ATP9B: variants seen among roughly 807,000 people sequenced by gnomAD.
ATP9B encodes the protein probable phospholipid-transporting ATPase IIB.
A neutral mutation model predicts 146.1 loss-of-function variants in ATP9B; 110 were observed. The ratio of observed to expected loss-of-function variants is 0.75; its 90% CI spans 0.65 to 0.88. The LOEUF is 0.88. Ranked by LOEUF, ATP9B falls within the 40% of genes least tolerant of loss-of-function variation. The pLI is 0.00. For missense variants in ATP9B, 1,499 were observed against 1,496.4 expected (o/e 1.00, Z -0.03); for synonymous variants, 604 against 569.7 (o/e 1.06, Z -0.86).
At position 79,176,866 on chromosome 18, in the gene ATP9B, A is replaced by G. The variant is rs1374351051; in HGVS notation, c.832A>G (p.Lys278Glu). The stretch of plus-strand genomic sequence containing the variant: ...AGATGGTGAAACTGACTGGAAGCTG[A>G]AGGTGGCAGTGAGCTGCACGCAACA... ...QLDGETDWKL[K>E]VAVSCTQQLP... The change falls in exon 8 of 30, where the codon AAG (lysine) becomes GAG (glutamate). Residue 278 changes from lysine to glutamate, a missense_variant. By Grantham distance (56) the Lys-to-Glu change is moderately conservative. Coordinates refer to ENST00000426216, the MANE Select transcript of ATP9B (RefSeq NM_198531.5). 6.2e-7 allele frequency: 1 copy of G among 1,614,166 alleles called. No individual in the cohort carries two copies.
In ATP9B at chr18:79,253,374, C is replaced by G; in HGVS notation, c.1108-7C>G. 6.2e-7 allele frequency: 1 copy of G among 1,602,140 alleles called. No individual in the cohort carries two copies. Among genetic ancestry groups the G allele is most frequent in the Non-Finnish European group, 8.5e-7 (1 of 1,176,706 alleles). On this transcript the variant is annotated splice_polypyrimidine_tract_variant and splice_region_variant and intron_variant, in intron 11 of 29. Coordinates refer to ENST00000426216, the MANE Select transcript of ATP9B (RefSeq NM_198531.5). Reference sequence around the variant, plus strand: ...GCTTGTTCATGTATTATGTGTTTTTCTTTCAGGTTGGTTTGTTGGACCTTG... The same window carrying G: ...GCTTGTTCATGTATTATGTGTTTTTGTTTCAGGTTGGTTTGTTGGACCTTG...
intron 17 of ATP9B, 72 bp downstream of exon 17, chr18:79,330,176 G>A (rs565752112): frequency 2.9e-6 from 4 of 1,377,046 alleles, no homozygotes; most frequent in Admixed American, 3.4e-5. Context: ...CTCTCAGCCT[G>A]GTTCACAGTG....
chr18:79,201,761 G>T (rs934537697), intron 9 of ATP9B, among the ~76,000 whole-genome samples: 5 of 151,980 alleles, frequency 3.3e-5, no homozygotes, highest in African/African-American at 1.2e-4. Flanking sequence ...GTAGAGACGG[G>T]GTTTCACCAT....
intron 11 of ATP9B, among the ~76,000 whole-genome samples, chr18:79,217,180 GTTTA>G (rs1240182800): frequency 1.3e-5 from 2 of 152,140 alleles, no homozygotes; most frequent in African/African-American, 4.8e-5. Flanking sequence ...TTCTTTGTTT[GTTTA>G]TTTATTTATT....
At chr18:79,208,670 TG>T (rs1268046431) in intron 10 of ATP9B, among the ~76,000 whole-genome samples, 13 of 152,188 alleles carry the variant, frequency 8.5e-5, no homozygotes, top group Non-Finnish European at 2.9e-5. Flanking sequence ...TGACAATTTT[TG>T]TGGGTGTTTC....
intron 13 of ATP9B, among the ~76,000 whole-genome samples, chr18:79,285,070 G>T (rs1224226791): frequency 2.0e-5 from 3 of 151,300 alleles, no homozygotes; most frequent in Middle Eastern, 3.4e-3. Context: ...GAATAATGCC[G>T]CAATAAACAT....
intron 11 of ATP9B, among the ~76,000 whole-genome samples, chr18:79,223,364 CAATCATAG>C (rs1328225799): frequency 6.6e-6 from 1 of 152,032 alleles, no homozygotes; most frequent in Non-Finnish European, 1.5e-5. Context: ...TAGTTGCATA[CAATCATAG>C]AATGCCTTAA....
chr18:79,168,577 T>G (rs1412838900), intron 7 of ATP9B, among the ~76,000 whole-genome samples: 1 of 152,100 alleles, frequency 6.6e-6, no homozygotes, highest in Non-Finnish European at 1.5e-5. Context: ...AGGGACAGTT[T>G]TTCCTTCTGT....
At chr18:79,282,831 G>A (rs1398533670) in intron 13 of ATP9B, among the ~76,000 whole-genome samples, 1 of 152,044 alleles carries the variant, frequency 6.6e-6, no homozygotes, top group African/African-American at 2.4e-5. Context: ...ATTGAGTCTT[G>A]GTGCCCCCCA....
chr18:79,349,981 G>A (rs935484761), intron 25 of ATP9B, among the ~76,000 whole-genome samples: 2 of 149,334 alleles, frequency 1.3e-5, no homozygotes, highest in African/African-American at 4.9e-5. Flanking sequence ...TGCTCTACAA[G>A]GACAAGGCAC....
chr18:79,132,273 T>G (rs1355497430), intron 5 of ATP9B, among the ~76,000 whole-genome samples: 1 of 152,228 alleles, frequency 6.6e-6, no homozygotes, highest in African/African-American at 2.4e-5. Context: ...TTAGCCATCA[T>G]TGCTGGTCAT....
chr18:79,113,056 C>T (rs2094002184), intron 3 of ATP9B, among the ~76,000 whole-genome samples, 185 bp from the exon 4 acceptor site: 1 of 152,118 alleles, frequency 6.6e-6, no homozygotes, highest in African/African-American at 2.4e-5. Flanking sequence ...AGTAACCTTA[C>T]CTTTCTTTGT....
chr18:79,307,362 C>T (rs112472887), intron 15 of ATP9B, 128 bp downstream of exon 15: 18,419 of 1,390,806 alleles, frequency 0.013, 236 homozygotes, highest in African/African-American at 0.039. Context: ...TATGTTTTAG[C>T]TGTATGTGGA....
At chr18:79,374,638 G>A (rs1023664259) in intron 28 of ATP9B, among the ~76,000 whole-genome samples, 7 of 152,256 alleles carry the variant, frequency 4.6e-5, no homozygotes, top group African/African-American at 7.2e-5. Context: ...GAACACAGCC[G>A]CGTGTGCACT....
At chr18:79,221,929 A>T (rs1325462526) in intron 11 of ATP9B, among the ~76,000 whole-genome samples, 10 of 43,448 alleles carry the variant, frequency 2.3e-4, no homozygotes, top group South Asian at 1.6e-3. Flanking sequence ...TAGCTGCTTT[A>T]AAAAAAAAAA....
intron 15 of ATP9B, among the ~76,000 whole-genome samples, chr18:79,319,988 G>A (rs895650523): frequency 1.3e-5 from 2 of 152,206 alleles, no homozygotes; most frequent in African/African-American, 4.8e-5. Context: ...TAAACTCAGA[G>A]CCCAGATTGC....
chr18:79,178,168 G>A (rs2095203562), intron 8 of ATP9B, among the ~76,000 whole-genome samples: 1 of 152,100 alleles, frequency 6.6e-6, no homozygotes, highest in Non-Finnish European at 1.5e-5. Flanking sequence ...TGTGCATGTG[G>A]CAGTTCCTGG....
At chr18:79,313,856 A>G (rs1368573149) in intron 15 of ATP9B, among the ~76,000 whole-genome samples, 2 of 152,216 alleles carry the variant, frequency 1.3e-5, no homozygotes, top group African/African-American at 4.8e-5. Flanking sequence ...AATCCCTAAA[A>G]CGTATTTTAA....
intron 1 of ATP9B, among the ~76,000 whole-genome samples, chr18:79,089,918 C>T (rs2074174551): frequency 6.6e-6 from 1 of 152,144 alleles, no homozygotes; most frequent in African/African-American, 2.4e-5. Flanking sequence ...CTTTGTCCCC[C>T]ACTCTCCACT....
Sources: allele counts gnomAD v4.1 joint callset (sites outside exome capture counted in the v4.1 genomes callset), GRCh38; gene constraint gnomAD v4.1.1; transcripts MANE v1.5; gene names NCBI Gene and HGNC (gene_info 2026-07-23, HGNC 2026-07-21).